Variants in SGMS1 observed in about 807,000 individuals in gnomAD.
SGMS1 encodes sphingomyelin synthase 1.
A neutral mutation model predicts 46.2 loss-of-function variants in SGMS1; 13 were observed. The ratio of observed to expected loss-of-function variants is 0.28; its 90% CI spans 0.18 to 0.45. The LOEUF (loss-of-function observed/expected upper bound fraction) is 0.45, where lower values mean the gene tolerates loss of function less well. SGMS1 is among the 20% of genes least tolerant of loss of function. The pLI is 1.00. For synonymous variants in SGMS1, 203 were observed against 187.8 expected (o/e 1.08, Z -0.66); for missense variants, 324 against 519.9 (o/e 0.62, Z 3.66).
chr10:50,506,787 T>C (rs1025382093), intron 3 of SGMS1, among the ~76,000 whole-genome samples: 2 of 152,194 alleles, frequency 1.3e-5, no homozygotes, highest in African/African-American at 4.8e-5. Context: ...TAAATGTTAA[T>C]AGTGGCCACC....
intron 1 of SGMS1, among the ~76,000 whole-genome samples, chr10:50,597,608 G>C (rs1031329571): frequency 6.6e-6 from 1 of 152,174 alleles, no homozygotes; most frequent in Admixed American, 6.5e-5. Context: ...GAGTTCAGGA[G>C]GAAAGAGGAT....
intron 6 of SGMS1, among the ~76,000 whole-genome samples, chr10:50,357,363 T>C (rs1848171839): frequency 6.6e-6 from 1 of 152,158 alleles, no homozygotes; most frequent in Admixed American, 6.5e-5. Context: ...AAATCATTTA[T>C]AAATTTTTTT....
intron 2 of SGMS1, among the ~76,000 whole-genome samples, chr10:50,526,040 G>A (rs561337787): frequency 1.3e-5 from 2 of 152,288 alleles, no homozygotes; most frequent in Admixed American, 6.5e-5. Flanking sequence ...AAGTCACTCA[G>A]GGAGGCCTGA....
chr10:50,417,486 AT>A (rs1302073327), intron 6 of SGMS1, among the ~76,000 whole-genome samples: 1 of 152,148 alleles, frequency 6.6e-6, no homozygotes, highest in Non-Finnish European at 1.5e-5. Flanking sequence ...TTATTGACAA[AT>A]TCCACAAGAG....
chr10:50,436,086 G>T (rs1311157873), intron 5 of SGMS1, among the ~76,000 whole-genome samples: 1 of 152,132 alleles, frequency 6.6e-6, no homozygotes, highest in African/African-American at 2.4e-5. Flanking sequence ...TTATTCAAAA[G>T]AATTATAAGC....
intron 1 of SGMS1, among the ~76,000 whole-genome samples, chr10:50,620,023 C>G (rs557344374): frequency 6.6e-6 from 1 of 152,318 alleles, no homozygotes; most frequent in Non-Finnish European, 1.5e-5. Flanking sequence ...ACTGGGAGAA[C>G]AGCAAAGCAT....
intron 2 of SGMS1, among the ~76,000 whole-genome samples, chr10:50,534,685 C>T (rs1244367956): frequency 2.0e-5 from 3 of 152,054 alleles, no homozygotes; most frequent in East Asian, 1.9e-4. Flanking sequence ...TAGTATGCAG[C>T]CATTAAAAAT....
At chr10:50,481,185 C>T (rs1361026106) in intron 3 of SGMS1, among the ~76,000 whole-genome samples, 1 of 152,246 alleles carries the variant, frequency 6.6e-6, no homozygotes, top group Non-Finnish European at 1.5e-5. Flanking sequence ...CAAGAGGCAG[C>T]CAGAGTGCTT....
chr10:50,584,994 A>G (rs189640389), intron 2 of SGMS1, among the ~76,000 whole-genome samples: 2 of 152,360 alleles, frequency 1.3e-5, no homozygotes, highest in East Asian at 3.9e-4. Flanking sequence ...GTGTCCACCC[A>G]TAATATATAT....
At chr10:50,623,962 G>A (rs1183515179), upstream of SGMS1, 2 of 985,442 alleles carry the variant, frequency 2.0e-6, no homozygotes, top group Non-Finnish European at 2.4e-6. Flanking sequence ...GGGCTGCCGA[G>A]CATGCCCAGT....
chr10:50,574,546 A>C (rs1460077961), intron 2 of SGMS1, among the ~76,000 whole-genome samples: 1 of 152,224 alleles, frequency 6.6e-6, no homozygotes, highest in Non-Finnish European at 1.5e-5. Context: ...TACTGGTGGG[A>C]ATGTAAATTG....
At chr10:50,497,531 G>A (rs1326558267) in intron 3 of SGMS1, among the ~76,000 whole-genome samples, 2 of 152,202 alleles carry the variant, frequency 1.3e-5, no homozygotes, top group Non-Finnish European at 2.9e-5. Flanking sequence ...GGTGGCTCAC[G>A]CCTATAATCC....
intron 6 of SGMS1, among the ~76,000 whole-genome samples, chr10:50,420,190 CTCATA>C (rs1483027167): frequency 5.9e-5 from 9 of 152,228 alleles, no homozygotes; most frequent in Non-Finnish European, 1.0e-4. Flanking sequence ...TCTCTTGACT[CTCATA>C]TTCCTCATAA....
chr10:50,417,127 C>G (rs1013834750), intron 6 of SGMS1, among the ~76,000 whole-genome samples: 8 of 152,126 alleles, frequency 5.3e-5, no homozygotes, highest in African/African-American at 1.9e-4. Flanking sequence ...GATAACTTCC[C>G]TGTTGCATTG....
chr10:50,413,671 G>A (rs61559519), intron 6 of SGMS1, among the ~76,000 whole-genome samples: 28,677 of 152,140 alleles, frequency 0.19, 2,927 homozygotes, highest in Admixed American at 0.23. Flanking sequence ...TCAAAAACGT[G>A]TCCAAATATA....
At chr10:50,489,929 G>T (rs1837553965) in intron 3 of SGMS1, among the ~76,000 whole-genome samples, 1 of 152,112 alleles carries the variant, frequency 6.6e-6, no homozygotes, top group Non-Finnish European at 1.5e-5. Flanking sequence ...AGCTGAGATG[G>T]TGCCACTGCA....
intron 6 of SGMS1, among the ~76,000 whole-genome samples, chr10:50,358,058 T>G (rs559658999): frequency 3.3e-4 from 51 of 152,248 alleles, no homozygotes; most frequent in African/African-American, 1.2e-3. Context: ...GGTGGGAGAA[T>G]CTCTTGAGGC....
chr10:50,353,690 C>T (rs1466279690), intron 6 of SGMS1, among the ~76,000 whole-genome samples: 1 of 152,290 alleles, frequency 6.6e-6, no homozygotes, highest in Non-Finnish European at 1.5e-5. Flanking sequence ...CTAGAAAACC[C>T]CATCGTCTCA....
chr10:50,425,575 A>G (rs1849314523), intron 6 of SGMS1, among the ~76,000 whole-genome samples: 1 of 152,088 alleles, frequency 6.6e-6, no homozygotes, highest in African/African-American at 2.4e-5. Flanking sequence ...GATGCGAACA[A>G]CAGACATTGA....
Sources: gnomAD v4.1 joint callset for allele counts (sites outside exome capture counted in the v4.1 genomes callset) on GRCh38, gnomAD v4.1.1 for gene constraint, MANE v1.5 for transcripts, NCBI Gene and HGNC (gene_info 2026-07-23, HGNC 2026-07-21) for gene names.